LTBP1: variants seen among roughly 807,000 people sequenced by gnomAD.
LTBP1 encodes latent transforming growth factor beta binding protein 1, also known as latent-transforming growth factor beta-binding protein 1.
LTBP1 carries 129 observed loss-of-function variants against 207.6 expected under a neutral mutation model. The ratio of observed to expected loss-of-function variants is 0.62; its 90% confidence interval spans 0.54 to 0.72. The LOEUF (loss-of-function observed/expected upper bound fraction) is 0.72, where lower values mean the gene tolerates loss of function less well. Among genes scored for constraint, LTBP1 ranks in the 30% least tolerant of loss-of-function variants. The pLI, the probability that LTBP1 is intolerant of heterozygous loss-of-function variation, is 0.00. For synonymous variants in LTBP1, 963 were observed against 833.7 expected, an observed-to-expected ratio of 1.16 and a Z score of -2.67; for missense variants, 2,281 against 2,217.2, an observed-to-expected ratio of 1.03 and a Z score of -0.58.
chr2:33,141,931 T>A (rs1217172056), intron 5 of LTBP1, among the ~76,000 whole-genome samples: 2 of 152,194 alleles, frequency 1.3e-5, no homozygotes, highest in Non-Finnish European at 2.9e-5. Flanking sequence ...CAACCAATTC[T>A]TGTTCTTTGG....
intron 5 of LTBP1, among the ~76,000 whole-genome samples, chr2:33,180,755 C>T (rs879675630): frequency 2.0e-5 from 3 of 152,022 alleles, no homozygotes; most frequent in Non-Finnish European, 4.4e-5. Flanking sequence ...CGTGCCCAGC[C>T]TAAGTAGCAT....
At chr2:33,266,124 C>T (rs973349416) in intron 15 of LTBP1, among the ~76,000 whole-genome samples, 7 of 152,220 alleles carry the variant, frequency 4.6e-5, no homozygotes, top group African/African-American at 1.7e-4. Flanking sequence ...TGCTGTCACT[C>T]CTTGGCCTCT....
rs144993306 is a variant in LTBP1 at position 33,300,565 on chromosome 2, A to G, written c.3350A>G (p.Gln1117Arg). 279 of 1,613,008 alleles carry G rather than the reference A, an allele frequency of 1.7e-4. No individual in the cohort carries two copies. The highest frequency in any genetic ancestry group is 2.2e-4 in the Non-Finnish European group (264 of 1,179,368). The change falls in exon 21 of 34, where the codon CAG becomes CGG. Residue 1117 changes from glutamine (Q) to arginine (R), a missense_variant. This residue lies in a region of LTBP1 where 1,671 missense variants were observed against 1,634.8 expected (regional missense o/e 1.02). Coordinates refer to ENST00000404816, the MANE Select transcript of LTBP1 (RefSeq NM_206943.4). ...TACCAGCTGTCGGCAGCTAAAGACC[A>G]GTGTGAAGGTAAGAGGGTAGTAACA... ...QGYQLSAAKD[Q>R]CEDIDECQHR...
chr2:33,050,649 G>C (rs188892708), intron 3 of LTBP1, among the ~76,000 whole-genome samples: 41 of 152,172 alleles, frequency 2.7e-4, no homozygotes, highest in Non-Finnish European at 5.1e-4. Context: ...GTGTCTAAGA[G>C]TCCTGGGCCT....
chr2:33,112,690 A>G (rs950344479), intron 4 of LTBP1, among the ~76,000 whole-genome samples: 1 of 152,178 alleles, frequency 6.6e-6, no homozygotes, highest in East Asian at 1.9e-4. Flanking sequence ...AGGACCATGA[A>G]GGATACTGAA....
At chr2:33,221,946 C>A in intron 8 of LTBP1, 134 bp from the exon 9 acceptor site, 1 of 576,922 alleles carries the variant, frequency 1.7e-6, no homozygotes, top group Non-Finnish European at 3.2e-6. Context: ...TGGAGATATA[C>A]ATTGGTATTG....
At chr2:32,987,075 C>G (rs974578548) in intron 2 of LTBP1, among the ~76,000 whole-genome samples, 51 of 152,188 alleles carry the variant, frequency 3.4e-4, no homozygotes, top group African/African-American at 1.2e-3. Context: ...GGGGAAGGTC[C>G]CCCAAGGAAG....
chr2:32,997,009 C>T (rs943124508), intron 2 of LTBP1, among the ~76,000 whole-genome samples: 30 of 152,022 alleles, frequency 2.0e-4, no homozygotes, highest in African/African-American at 4.6e-4. Flanking sequence ...CTCAGCCTCC[C>T]GAGTAGCTGG....
rs1215516853 is a variant in LTBP1, at chr2:33,378,220, TGTTTTG to T, written c.4712-10963_4712-10958del. ...GTGTGTGTGTGTGTGTGTGTGTGTG[TGTTTTG>T]TTTGTTTGTTTGTTTTGGAGACAGA... is the stretch of plus-strand genomic sequence containing the variant. On this transcript the variant is annotated intron_variant, in intron 31 of 33. Coordinates refer to ENST00000404816, the MANE Select transcript of LTBP1 (RefSeq NM_206943.4). Among the ~76,000 whole-genome samples, 614 of 147,422 alleles carry T rather than the reference TGTTTTG, an allele frequency of 4.2e-3. 6 individuals are homozygous for T. Among genetic ancestry groups the T allele is most frequent in the African/African-American group, 0.015 (581 of 39,408 alleles).
Position 33,300,458 on chromosome 2 carries a change from T to C in LTBP1, c.3243T>C (p.Asp1081=), listed in dbSNP as rs745409804. The change falls in exon 21 of 34, where the codon GAT becomes GAC. Residue 1081 remains aspartate, a synonymous_variant. Transcript: ENST00000404816. ...TPDHKHCRDI[D]ECQQGNLCVN... is the part of the protein sequence containing the mutation. ...CCGTTGTTGTGTTTGCAGATATTGA[T>C]GAATGTCAGCAAGGGAATCTATGTG... 2 of 1,613,074 alleles carry C rather than the reference T, an allele frequency of 1.2e-6. No homozygotes were observed. The highest frequency in any genetic ancestry group is 1.7e-6 in the Non-Finnish European group (2 of 1,179,372).
At chr2:33,270,844 C>G (rs1321451528) in intron 15 of LTBP1, among the ~76,000 whole-genome samples, 1 of 152,130 alleles carries the variant, frequency 6.6e-6, no homozygotes. Flanking sequence ...CAAGCCACGT[C>G]TCTATATACT....
intron 2 of LTBP1, among the ~76,000 whole-genome samples, chr2:32,989,137 C>G (rs1178649633): frequency 6.6e-6 from 1 of 152,114 alleles, no homozygotes; most frequent in Non-Finnish European, 1.5e-5. Context: ...ATATTCTTCT[C>G]AGAAATCCAT....
At position 33,257,447 on chromosome 2, in the gene LTBP1, G is replaced by T; in HGVS notation, c.2331G>T (p.Lys777Asn). The T allele has an allele frequency of 6.2e-7, 1 of 1,614,226 alleles. No homozygotes were observed. The highest frequency in any genetic ancestry group is 8.5e-7 in the Non-Finnish European group (1 of 1,180,032). The change falls in exon 12 of 34, where the codon AAG becomes AAT. Residue 777 changes from lysine to asparagine, a missense_variant. Transcript: ENST00000404816. ...CTCATCCTCCACCTCTCCCAGCCAAGGAAGAGCCAGTGGAGGCCCTGACCT... is the reference window on the plus strand; with the variant it reads ...CTCATCCTCCACCTCTCCCAGCCAATGAAGAGCCAGTGGAGGCCCTGACCT... Reference protein sequence around the residue: ...KSTHPPPLPAKEEPVEALTFS... With the variant: ...KSTHPPPLPANEEPVEALTFS...
intron 9 of LTBP1, among the ~76,000 whole-genome samples, chr2:33,226,184 T>C (rs757585403): frequency 3.9e-5 from 6 of 152,250 alleles, no homozygotes; most frequent in Non-Finnish European, 8.8e-5. Flanking sequence ...GCTACGATTA[T>C]GGAATGGATT....
At position 33,254,684 on chromosome 2, in the gene LTBP1, T is replaced by C. The variant is rs2092784703; in HGVS notation, c.2167+1840T>C. 2.1e-5 allele frequency among the ~76,000 whole-genome samples: 3 copies of C among 146,080 alleles called. No individual in the cohort carries two copies. In the South Asian group the frequency reaches 6.5e-4, roughly 32 times the overall value. On this transcript the variant is annotated intron_variant, in intron 11 of 33. Transcript: ENST00000404816. ...CATATGTATACATGTGCCATATTGG[T>C]GTGCTGCACCCATTAACTCGTCATT... is the stretch of plus-strand genomic sequence containing the variant.
intron 7 of LTBP1, among the ~76,000 whole-genome samples, chr2:33,202,837 C>T (rs1325623249): frequency 1.3e-5 from 2 of 152,188 alleles, no homozygotes; most frequent in Admixed American, 6.5e-5. Context: ...TTTGGAGGAG[C>T]TGCTGGGCAG....
At chr2:33,123,056 A>G (rs528443305) in intron 4 of LTBP1, among the ~76,000 whole-genome samples, 6 of 152,178 alleles carry the variant, frequency 3.9e-5, no homozygotes, top group African/African-American at 7.2e-5. Flanking sequence ...CACTCTCTTT[A>G]TAGCTTTTCC....
intron 17 of LTBP1, among the ~76,000 whole-genome samples, 170 bp downstream of exon 17, chr2:33,275,260 C>T (rs1302025971): frequency 1.3e-5 from 2 of 152,116 alleles, no homozygotes; most frequent in African/African-American, 2.4e-5. Context: ...TTTTTTTCCC[C>T]TAACATTTTT....
Position 33,335,280 on chromosome 2 carries a change from C to T in LTBP1, c.3731-7558C>T, listed in dbSNP as rs182214441. Among the ~76,000 whole-genome samples the T allele has an allele frequency of 4.9e-3, 745 of 151,768 alleles. 3 individuals are homozygous for T. The highest frequency in any genetic ancestry group is 7.2e-3 in the Non-Finnish European group (492 of 67,950). On this transcript the variant is annotated intron_variant, in intron 24 of 33. Transcript: ENST00000404816. The stretch of plus-strand genomic sequence containing the variant: ...TTGTTACCTATGTCATTTCTTATTG[C>T]TTATCTTAGGCTGCTAGCTTTCAAA...
Sources: gnomAD v4.1 joint callset for allele counts (sites outside exome capture counted in the v4.1 genomes callset) on GRCh38, gnomAD v4.1.1 for gene constraint, gnomAD v4.1.1 regional missense constraint, MANE v1.5 for transcripts, NCBI Gene and HGNC (gene_info 2026-07-23, HGNC 2026-07-21) for gene names.